CNTN4: variants seen among roughly 807,000 people sequenced by gnomAD.
The protein encoded by CNTN4 is contactin-4.
A neutral mutation model predicts 122.5 loss-of-function variants in CNTN4; 77 were observed. That is an observed-to-expected ratio of 0.63 (90% CI 0.52 to 0.76). CNTN4 has a LOEUF of 0.76. CNTN4 is among the 30% of genes least tolerant of loss of function. CNTN4 has a pLI of 0.00. For synonymous variants in CNTN4, 512 were observed against 447.0 expected (o/e 1.15, Z -1.83); for missense variants, 1,256 against 1,259.1 (o/e 1.00, Z 0.04).
chr3:2,828,337 T>C (rs570389189), intron 7 of CNTN4, among the ~76,000 whole-genome samples: 2 of 152,112 alleles, frequency 1.3e-5, no homozygotes, highest in Admixed American at 1.3e-4. Context: ...TGCAAGTAAA[T>C]TAAAAGCCAC....
intron 3 of CNTN4, among the ~76,000 whole-genome samples, chr3:2,451,539 A>G (rs1388691139): frequency 6.6e-6 from 1 of 151,424 alleles, no homozygotes; most frequent in African/African-American, 2.4e-5. Flanking sequence ...TAGATCTTAA[A>G]TATATTTATT....
intron 2 of CNTN4, among the ~76,000 whole-genome samples, chr3:2,297,532 T>C (rs950189634): frequency 6.6e-5 from 10 of 152,156 alleles, no homozygotes; most frequent in Non-Finnish European, 8.8e-5. Flanking sequence ...ATCCCATACA[T>C]CGTCTGTCTG....
intron 3 of CNTN4, among the ~76,000 whole-genome samples, chr3:2,388,640 T>G (rs944379473): frequency 6.6e-6 from 1 of 151,170 alleles, no homozygotes; most frequent in Admixed American, 6.6e-5. Context: ...AGGTCAGGAG[T>G]TTAAGACCAA....
chr3:2,141,239 C>CT (rs1351308135), intron 2 of CNTN4, among the ~76,000 whole-genome samples: 4 of 152,042 alleles, frequency 2.6e-5, no homozygotes, highest in African/African-American at 7.2e-5. Context: ...GGGACTCTGC[C>CT]AATATGATGA....
At chr3:2,567,418 A>ATGATT (rs1262061141) in intron 3 of CNTN4, among the ~76,000 whole-genome samples, 1 of 152,132 alleles carries the variant, frequency 6.6e-6, no homozygotes, top group African/African-American at 2.4e-5. Flanking sequence ...ACGTTCAAAG[A>ATGATT]TGATTGGAGA....
Position 2,664,861 on chromosome 3 carries a change from TGGAA to T in CNTN4, c.56-71352_56-71349del, listed in dbSNP as rs1286219688. On this transcript the variant is annotated intron_variant, in intron 4 of 24. Transcript: ENST00000418658. ...TGCGATGAGTGAAACCAACTTTCTT[TGGAA>T]GAAAGATGTCTCCTTTCCACGACAT... Among the ~76,000 whole-genome samples the T allele has an allele frequency of 6.6e-5, 10 of 152,340 alleles. No individual in the cohort carries two copies. In the East Asian group the frequency reaches 1.3e-3, roughly 21 times the overall value.
chr3:2,483,095 G>A (rs545450657), intron 3 of CNTN4, among the ~76,000 whole-genome samples: 1 of 152,148 alleles, frequency 6.6e-6, no homozygotes, highest in African/African-American at 2.4e-5. Context: ...GCCAGGAGGG[G>A]TGCTATACCC....
At chr3:2,267,846 T>TAA (rs969971644) in intron 2 of CNTN4, among the ~76,000 whole-genome samples, 3 of 152,088 alleles carry the variant, frequency 2.0e-5, no homozygotes, top group African/African-American at 4.8e-5. Flanking sequence ...ATCATATATA[T>TAA]AACAGGCTTT....
intron 6 of CNTN4, among the ~76,000 whole-genome samples, chr3:2,818,438 C>G (rs75542881): frequency 0.011 from 1,609 of 152,224 alleles, 32 homozygotes; most frequent in African/African-American, 0.033. Context: ...AGGAAATCAT[C>G]CACAAATGTT....
At chr3:2,759,852 G>A (rs2149681186) in intron 6 of CNTN4, among the ~76,000 whole-genome samples, 1 of 152,190 alleles carries the variant, frequency 6.6e-6, no homozygotes, top group South Asian at 2.1e-4. Flanking sequence ...GCTATTGTTG[G>A]CTTTTTTAGT....
intron 12 of CNTN4, among the ~76,000 whole-genome samples, chr3:2,920,206 A>ACT (rs751258601): frequency 6.6e-6 from 1 of 151,100 alleles, no homozygotes; most frequent in Non-Finnish European, 1.5e-5. Context: ...ACACACACAG[A>ACT]CTCTCTCTCA....
intron 2 of CNTN4, among the ~76,000 whole-genome samples, chr3:2,299,135 G>A (rs1226791634): frequency 6.6e-6 from 1 of 152,064 alleles, no homozygotes; most frequent in Non-Finnish European, 1.5e-5. Context: ...AAATGGACAG[G>A]AAATCTTTAT....
At chr3:2,501,305 T>A (rs2076588298) in intron 3 of CNTN4, among the ~76,000 whole-genome samples, 1 of 152,230 alleles carries the variant, frequency 6.6e-6, no homozygotes, top group African/African-American at 2.4e-5. Context: ...GGGCTTTATA[T>A]CTGTTCAGAT....
chr3:2,253,890 G>T (rs886381439), intron 2 of CNTN4, among the ~76,000 whole-genome samples: 4 of 151,364 alleles, frequency 2.6e-5, no homozygotes, highest in Non-Finnish European at 4.4e-5. Flanking sequence ...TTTTTAATTT[G>T]TTCTTTTTGG....
At chr3:2,542,623 A>G (rs983572221) in intron 3 of CNTN4, among the ~76,000 whole-genome samples, 1 of 152,158 alleles carries the variant, frequency 6.6e-6, no homozygotes, top group Non-Finnish European at 1.5e-5. Flanking sequence ...AGATTAAGGT[A>G]CAAATATTTC....
intron 10 of CNTN4, among the ~76,000 whole-genome samples, chr3:2,888,735 T>G (rs1176401860): frequency 6.6e-6 from 1 of 152,080 alleles, no homozygotes; most frequent in East Asian, 1.9e-4. Flanking sequence ...TACATATTTA[T>G]GTACATATGA....
At chr3:2,626,986 C>T (rs191354062) in intron 4 of CNTN4, among the ~76,000 whole-genome samples, 1 of 152,172 alleles carries the variant, frequency 6.6e-6, no homozygotes, top group African/African-American at 2.4e-5. Context: ...CTCAGTCTGC[C>T]CTTGGTTCCC....
chr3:2,837,571 T>TA (rs2093256459), intron 7 of CNTN4, among the ~76,000 whole-genome samples: 1 of 152,146 alleles, frequency 6.6e-6, no homozygotes, highest in African/African-American at 2.4e-5. Flanking sequence ...AAAATACACA[T>TA]ATAACCACCC....
chr3:2,218,141 T>G (rs1559351341), intron 2 of CNTN4, among the ~76,000 whole-genome samples: 1 of 152,152 alleles, frequency 6.6e-6, no homozygotes, highest in Admixed American at 6.6e-5. Context: ...AGAGGTTTTA[T>G]TGCCTAAATT....
Sources: gnomAD v4.1 joint callset for allele counts (sites outside exome capture counted in the v4.1 genomes callset) on GRCh38, gnomAD v4.1.1 for gene constraint, MANE v1.5 for transcripts, NCBI Gene and HGNC (gene_info 2026-07-23, HGNC 2026-07-21) for gene names.